TMED2: variants seen among roughly 807,000 people sequenced by gnomAD.
TMED2 encodes the protein transmembrane p24 trafficking protein 2.
A neutral mutation model predicts 17.5 loss-of-function variants in TMED2; 3 were observed. The ratio of observed to expected loss-of-function variants is 0.17; its 90% CI spans 0.08 to 0.44. TMED2 has a LOEUF of 0.44. Ranked by LOEUF, TMED2 falls within the 20% of genes least tolerant of loss-of-function variation. TMED2 has a pLI of 0.99. For missense variants in TMED2, 149 were observed against 254.8 expected (o/e 0.58, Z 2.83); for synonymous variants, 95 against 91.0 (o/e 1.04, Z -0.25).
At chr12:123,594,067 A>G (rs1453483127) in intron 3 of TMED2, among the ~76,000 whole-genome samples, 1 of 150,996 alleles carries the variant, frequency 6.6e-6, no homozygotes, top group Admixed American at 6.6e-5. Context: ...TCAGCCTCCC[A>G]AAGTCCTGGG....
chr12:123,593,039 G>GGT (rs1208443754), intron 3 of TMED2, among the ~76,000 whole-genome samples: 1 of 152,108 alleles, frequency 6.6e-6, no homozygotes, highest in Non-Finnish European at 1.5e-5. Context: ...TGGCCAATAT[G>GGT]GTGAAACCCC....
Position 123,584,576 on chromosome 12 carries a change from CGGCGGCGGCGGCGGCTGTGGA to C in TMED2, c.-57_-37del, listed in dbSNP as rs1487821376. 1.8e-5 allele frequency: 28 copies of C among 1,535,272 alleles called. No individual in the cohort carries two copies. The highest frequency in any genetic ancestry group is 2.3e-5 in the Non-Finnish European group (26 of 1,140,458). On this transcript the variant is annotated 5_prime_UTR_variant, in exon 1 of 4. Transcript: ENST00000262225. ...TGAGAAGGCAGCGGGGCGGCGGCGG[CGGCGGCGGCGGCGGCTGTGGA>C]GGCCGCAGTCCGGGTCCTGGCTTCG...
In TMED2 at chr12:123,584,612, T is replaced by C. The variant is rs773471762; in HGVS notation, c.-25T>C. 34 of 1,599,288 alleles carry C rather than the reference T, an allele frequency of 2.1e-5. No homozygotes were observed. The highest frequency in any genetic ancestry group is 2.8e-5 in the Non-Finnish European group (33 of 1,176,380). ...GCGGCTGTGGAGGCCGCAGTCCGGG[T>C]CCTGGCTTCGGCCTCAGCCCCACCA... On this transcript the variant is annotated 5_prime_UTR_variant, in exon 1 of 4. Coordinates refer to ENST00000262225, the MANE Select transcript of TMED2 (RefSeq NM_006815.4).
At chr12:123,591,612 C>T (rs1172650645) in intron 3 of TMED2, among the ~76,000 whole-genome samples, 3 of 151,998 alleles carry the variant, frequency 2.0e-5, no homozygotes, top group Non-Finnish European at 4.4e-5. Context: ...TGAAATCCCA[C>T]CTCTACTAAA....
Position 123,584,578 on chromosome 12 carries a change from G to T in TMED2, c.-59G>T. ...AGAAGGCAGCGGGGCGGCGGCGGCGGCGGCGGCGGCGGCTGTGGAGGCCGC... is the reference window on the plus strand; with the variant it reads ...AGAAGGCAGCGGGGCGGCGGCGGCGTCGGCGGCGGCGGCTGTGGAGGCCGC... On this transcript the variant is annotated 5_prime_UTR_variant, in exon 1 of 4. Coordinates refer to ENST00000262225, the MANE Select transcript of TMED2 (RefSeq NM_006815.4). The T allele has an allele frequency of 6.4e-7, 1 of 1,558,956 alleles. No individual in the cohort carries two copies. Among genetic ancestry groups the T allele is most frequent in the Non-Finnish European group, 8.6e-7 (1 of 1,156,342 alleles).
chr12:123,584,650 C>A lies in TMED2; in HGVS notation c.14C>A (p.Ala5Asp). The change falls in exon 1 of 4, where the codon GCT (alanine) becomes GAT (aspartate). Residue 5 changes from alanine to aspartate, a missense_variant. Physicochemically the swap from Ala to Asp is moderately radical, Grantham distance 126. Coordinates refer to ENST00000262225, the MANE Select transcript of TMED2 (RefSeq NM_006815.4). ...CTCAGCCCCACCATGGTGACGCTTG[C>A]TGAACTGCTGGTGCTTCTGGCCGCT... MVTL[A>D]ELLVLLAALL... 1 of 1,611,868 alleles carries A rather than the reference C, an allele frequency of 6.2e-7. No homozygotes were observed. The highest frequency in any genetic ancestry group is 8.5e-7 in the Non-Finnish European group (1 of 1,179,704).
chr12:123,592,787 T>C (rs1953402854), intron 3 of TMED2, among the ~76,000 whole-genome samples: 1 of 152,220 alleles, frequency 6.6e-6, no homozygotes, highest in African/African-American at 2.4e-5. Context: ...GTTACTGTGC[T>C]TCAATGTGTT....
intron 3 of TMED2, among the ~76,000 whole-genome samples, chr12:123,592,486 G>A (rs778863324): frequency 2.6e-5 from 4 of 152,342 alleles, no homozygotes; most frequent in Non-Finnish European, 4.4e-5. Flanking sequence ...TCTCACCCAT[G>A]ATTTGAGTGG....
Position 123,584,613 on chromosome 12 carries a change from C to G in TMED2, c.-24C>G. On this transcript the variant is annotated 5_prime_UTR_variant, in exon 1 of 4. Transcript: ENST00000262225. The stretch of plus-strand genomic sequence containing the variant: ...CGGCTGTGGAGGCCGCAGTCCGGGT[C>G]CTGGCTTCGGCCTCAGCCCCACCAT... 1 of 1,600,588 alleles carries G rather than the reference C, an allele frequency of 6.2e-7. No homozygotes were observed. The highest frequency in any genetic ancestry group is 2.2e-5 in the East Asian group (1 of 44,568).
At chr12:123,591,980 G>C (rs1374497936) in intron 3 of TMED2, among the ~76,000 whole-genome samples, 1 of 152,182 alleles carries the variant, frequency 6.6e-6, no homozygotes, top group Non-Finnish European at 1.5e-5. Context: ...ATTTCTTCCA[G>C]ATGTGCTTTC....
At chr12:123,590,046 G>A (rs1030176451) in intron 2 of TMED2, among the ~76,000 whole-genome samples, 1 of 151,734 alleles carries the variant, frequency 6.6e-6, no homozygotes, top group Non-Finnish European at 1.5e-5. Flanking sequence ...ATTTTGGGAG[G>A]CTCAAGCAGG....
Position 123,584,772 on chromosome 12 carries a change from A to G in TMED2, c.136A>G (p.Ile46Val). Residue 46 changes from isoleucine (I) to valine (V), a missense_variant, in exon 1 of 4, where the codon ATC becomes GTC. Coordinates refer to ENST00000262225, the MANE Select transcript of TMED2 (RefSeq NM_006815.4). The stretch of plus-strand genomic sequence containing the variant: ...CACCTCGGGCACCAAGATGGGCCTC[A>G]TCTTCGAGGTGGCGGAGGGCGGCTT... ...RVTSGTKMGL[I>V]FEVAEGGFLD... The G allele has an allele frequency of 1.2e-6, 2 of 1,613,230 alleles. No individual in the cohort carries two copies. Among genetic ancestry groups the G allele is most frequent in the Non-Finnish European group, 1.7e-6 (2 of 1,179,860 alleles).
At chr12:123,585,478 A>T (rs1399457421) in intron 1 of TMED2, 1 of 152,234 alleles carries the variant, frequency 6.6e-6, no homozygotes, top group East Asian at 1.9e-4. Context: ...TTAAGAAACC[A>T]GCAGTCCCTA....
rs775311338 is a variant in TMED2, at chr12:123,596,758, G to A, written c.*29G>A. 1 of 1,576,146 alleles carries A rather than the reference G, an allele frequency of 6.3e-7. No homozygotes were observed. The highest frequency in any genetic ancestry group is 8.6e-7 in the Non-Finnish European group (1 of 1,164,532). Reference sequence around the variant, plus strand: ...GCCTCTTCCTGATGATCCCAACTCAGAATTCACTGTTTACCAAACACCTTG... The same window carrying A: ...GCCTCTTCCTGATGATCCCAACTCAAAATTCACTGTTTACCAAACACCTTG... On this transcript the variant is annotated 3_prime_UTR_variant, in exon 4 of 4. Coordinates refer to ENST00000262225, the MANE Select transcript of TMED2 (RefSeq NM_006815.4).
chr12:123,596,303 G>A (rs1953430624), intron 3 of TMED2, among the ~76,000 whole-genome samples: 3 of 152,184 alleles, frequency 2.0e-5, no homozygotes, highest in South Asian at 4.1e-4. Context: ...TAATCTTTGT[G>A]TTGTTAGATG....
At chr12:123,588,448 GGAGAAT>G (rs1301284093) in intron 2 of TMED2, among the ~76,000 whole-genome samples, 2 of 152,102 alleles carry the variant, frequency 1.3e-5, no homozygotes, top group Non-Finnish European at 2.9e-5. Flanking sequence ...TAATTTTCAG[GGAGAAT>G]GAGGAGTTCT....
Position 123,594,510 on chromosome 12 carries a change from C to A in TMED2, c.482-2095C>A, listed in dbSNP as rs923826446. On this transcript the variant is annotated intron_variant, in intron 3 of 3. Coordinates refer to ENST00000262225, the MANE Select transcript of TMED2 (RefSeq NM_006815.4). ...CAATGGCTTGTGCCTGTAGTCTTAG[C>A]TGCTTCTGAGCCTGAGGCAGGAGGA... Among the ~76,000 whole-genome samples, 26 of 152,272 alleles carry A rather than the reference C, an allele frequency of 1.7e-4. No individual in the cohort carries two copies. The South Asian group carries it at 5.0e-3, about 29-fold the overall frequency.
In TMED2 at chr12:123,586,735, T is replaced by C. The variant is rs1445130632; in HGVS notation, c.181-12T>C. The C allele has an allele frequency of 6.3e-7, 1 of 1,575,966 alleles. No homozygotes were observed. Among genetic ancestry groups the C allele is most frequent in the Non-Finnish European group, 8.6e-7 (1 of 1,159,932 alleles). On this transcript the variant is annotated splice_polypyrimidine_tract_variant and intron_variant, in intron 1 of 3. Transcript: ENST00000262225. ...TTTTGTGACATTTTATGCATTTCTC[T>C]CTTGCCTCCAGATTACAGGACCAGA...
At chr12:123,596,351 C>T (rs929005240) in intron 3 of TMED2, among the ~76,000 whole-genome samples, 1 of 152,136 alleles carries the variant, frequency 6.6e-6, no homozygotes, top group Non-Finnish European at 1.5e-5. Flanking sequence ...GTGTTCTGAT[C>T]GTGTTTTACG....
Sources: gnomAD v4.1 joint callset for allele counts (sites outside exome capture counted in the v4.1 genomes callset) on GRCh38, gnomAD v4.1.1 for gene constraint, MANE v1.5 for transcripts, NCBI Gene and HGNC (gene_info 2026-07-23, HGNC 2026-07-21) for gene names.